HYCC1: variants seen among roughly 807,000 people sequenced by gnomAD.
HYCC1 encodes hyccin.
the HYCC1 span, among the ~76,000 whole-genome samples, chr7:22,908,254 T>C: frequency 6.6e-6 from 1 of 152,226 alleles, no homozygotes; most frequent in Non-Finnish European, 1.5e-5. Flanking sequence ...GTTGGTGCTC[T>C]TCTATTTTAG....
chr7:22,944,311 A>G, the HYCC1 span: 1 of 152,216 alleles, frequency 6.6e-6, no homozygotes, highest in African/African-American at 2.4e-5. Flanking sequence ...CAAAAGGACC[A>G]CGGCTAGCAA....
At chr7:23,008,196 G>A in the HYCC1 span, among the ~76,000 whole-genome samples, 1 of 152,128 alleles carries the variant, frequency 6.6e-6, no homozygotes, top group Non-Finnish European at 1.5e-5. Context: ...TTCATAAAAT[G>A]ACCAGTTAGA....
chr7:22,898,322 T>G, the HYCC1 span, among the ~76,000 whole-genome samples: 1 of 152,022 alleles, frequency 6.6e-6, no homozygotes, highest in Non-Finnish European at 1.5e-5. Flanking sequence ...CAAGCGATTC[T>G]GCTCCCTCAG....
chr7:23,013,779 G>A, the HYCC1 span: 2 of 351,988 alleles, frequency 5.7e-6, no homozygotes, highest in Non-Finnish European at 5.8e-6. Context: ...CGCGGGAGCC[G>A]TTACCCCCAG....
At chr7:22,957,202 T>G in the HYCC1 span, among the ~76,000 whole-genome samples, 1 of 151,864 alleles carries the variant, frequency 6.6e-6, no homozygotes, top group Non-Finnish European at 1.5e-5. Flanking sequence ...TTTAATGTAT[T>G]TGTCGGCTGT....
chr7:23,010,503 T>C, the HYCC1 span, among the ~76,000 whole-genome samples: 24 of 152,286 alleles, frequency 1.6e-4, 1 homozygote, highest in South Asian at 5.0e-3. Context: ...AAGTAGACAG[T>C]GGTTTCCTGG....
chr7:22,918,422 C>T, the HYCC1 span, among the ~76,000 whole-genome samples: 1 of 152,172 alleles, frequency 6.6e-6, no homozygotes, highest in South Asian at 2.1e-4. Context: ...CATGCCACCC[C>T]TAATCCCACT....
chr7:22,976,367 G>A, the HYCC1 span: 2 of 1,165,618 alleles, frequency 1.7e-6, no homozygotes, highest in Middle Eastern at 1.9e-4. Context: ...AACTATAATA[G>A]GGGAGAGAGC....
chr7:22,905,789 T>G, the HYCC1 span, among the ~76,000 whole-genome samples: 1 of 152,202 alleles, frequency 6.6e-6, no homozygotes, highest in Non-Finnish European at 1.5e-5. Flanking sequence ...ATGAAATATA[T>G]TAAGTTACGG....
chr7:22,949,910 A>C, the HYCC1 span, among the ~76,000 whole-genome samples: 2 of 152,122 alleles, frequency 1.3e-5, no homozygotes, highest in Non-Finnish European at 2.9e-5. Flanking sequence ...TAACAATGGC[A>C]GATTTTTTAA....
chr7:22,902,886 T>C, the HYCC1 span, among the ~76,000 whole-genome samples: 1 of 152,102 alleles, frequency 6.6e-6, no homozygotes, highest in Admixed American at 6.5e-5. Flanking sequence ...CACTAAAGCA[T>C]AGACCATAAA....
At chr7:22,916,002 G>A in the HYCC1 span, among the ~76,000 whole-genome samples, 1 of 151,932 alleles carries the variant, frequency 6.6e-6, no homozygotes, top group Non-Finnish European at 1.5e-5. Context: ...TAATCCACAA[G>A]TATGGGACAC....
the HYCC1 span, chr7:22,960,522 C>T: frequency 1.1e-6 from 1 of 870,678 alleles, no homozygotes; most frequent in Non-Finnish European, 1.9e-6. Context: ...CAAAGAGGCT[C>T]TTCCCAAGCA....
At chr7:22,931,853 A>G in the HYCC1 span, among the ~76,000 whole-genome samples, 1 of 152,170 alleles carries the variant, frequency 6.6e-6, no homozygotes. Flanking sequence ...GTGAGATATA[A>G]ACTTGGAGAT....
the HYCC1 span, chr7:22,978,466 T>C: frequency 6.2e-7 from 1 of 1,606,936 alleles, no homozygotes; most frequent in Non-Finnish European, 8.5e-7. Flanking sequence ...AAAGACAAAA[T>C]GTTAATTCAA....
At chr7:22,915,916 C>A in the HYCC1 span, among the ~76,000 whole-genome samples, 1 of 152,112 alleles carries the variant, frequency 6.6e-6, no homozygotes, top group Non-Finnish European at 1.5e-5. Context: ...TATTCCTAGG[C>A]TACAACCACA....
chr7:22,918,916 G>A, the HYCC1 span, among the ~76,000 whole-genome samples: 4 of 152,052 alleles, frequency 2.6e-5, no homozygotes, highest in African/African-American at 7.3e-5. Context: ...TCTTCACATG[G>A]ACGCATGTGA....
chr7:22,976,170 C>T, the HYCC1 span: 26 of 1,196,192 alleles, frequency 2.2e-5, no homozygotes, highest in East Asian at 6.1e-4. Context: ...ATCATAGATT[C>T]ATATATTTCA....
At chr7:22,964,396 C>A in the HYCC1 span, 1 of 1,292,050 alleles carries the variant, frequency 7.7e-7, no homozygotes, top group Non-Finnish European at 1.1e-6. Context: ...GTTTATTTCG[C>A]ATATGATGAG....
Sources: gnomAD v4.1 joint callset for allele counts (sites outside exome capture counted in the v4.1 genomes callset) on GRCh38, gnomAD v4.1.1 for gene constraint, MANE v1.5 for transcripts, NCBI Gene and HGNC (gene_info 2026-07-23, HGNC 2026-07-21) for gene names.